The following SDCCAG8 variants were observed in gnomAD, a reference collection of about 807,000 sequenced individuals.
The protein encoded by SDCCAG8 is serologically defined colon cancer antigen 8.
In SDCCAG8, 74 loss-of-function variants were observed where a neutral mutation model predicts 101.8. The observed-to-expected ratio is 0.73, with a 90% CI of 0.60 to 0.88. The LOEUF is 0.88. Ranked by LOEUF, SDCCAG8 falls within the 40% of genes least tolerant of loss-of-function variation. SDCCAG8 has a pLI of 0.00. For missense variants in SDCCAG8, 787 were observed against 822.6 expected (o/e 0.96, Z 0.53); for synonymous variants, 281 against 292.9 (o/e 0.96, Z 0.41).
intron 4 of SDCCAG8, among the ~76,000 whole-genome samples, chr1:243,285,751 G>A (rs918798142): frequency 6.6e-6 from 1 of 152,060 alleles, no homozygotes; most frequent in African/African-American, 2.4e-5. Context: ...CACCCTGTGA[G>A]GCCAAGGAAA....
At chr1:243,289,962 G>T (rs1014649748) in intron 5 of SDCCAG8, among the ~76,000 whole-genome samples, 2 of 151,960 alleles carry the variant, frequency 1.3e-5, no homozygotes, top group Non-Finnish European at 2.9e-5. Context: ...AAAGAAGCAA[G>T]CCATTCAAAG....
chr1:243,498,063 G>A (rs1019101541), intron 17 of SDCCAG8, among the ~76,000 whole-genome samples: 2 of 152,196 alleles, frequency 1.3e-5, no homozygotes, highest in Non-Finnish European at 2.9e-5. Flanking sequence ...AAGTTAGGAA[G>A]CCACTGTGTC....
At chr1:243,278,374 C>A (rs1048131302) in intron 4 of SDCCAG8, among the ~76,000 whole-genome samples, 1 of 152,114 alleles carries the variant, frequency 6.6e-6, no homozygotes, top group South Asian at 2.1e-4. Context: ...GTGTGTGCCA[C>A]CACACCTGGC....
intron 16 of SDCCAG8, among the ~76,000 whole-genome samples, chr1:243,471,652 T>C (rs939324123): frequency 2.6e-5 from 4 of 152,120 alleles, no homozygotes; most frequent in African/African-American, 9.7e-5. Context: ...CCCATCAGAA[T>C]TCCCAGAAGC....
At chr1:243,268,279 A>G (rs1216744613) in intron 1 of SDCCAG8, among the ~76,000 whole-genome samples, 2 of 152,246 alleles carry the variant, frequency 1.3e-5, no homozygotes, top group Non-Finnish European at 2.9e-5. Flanking sequence ...CTAAAGCTCC[A>G]TGAACTGAAT....
chr1:243,391,241 T>C (rs1330203201), intron 13 of SDCCAG8, among the ~76,000 whole-genome samples: 2 of 152,236 alleles, frequency 1.3e-5, no homozygotes, highest in Non-Finnish European at 2.9e-5. Flanking sequence ...AATCTTGGAA[T>C]TAAAGCTCAT....
chr1:243,271,432 G>T (rs1408365727), intron 3 of SDCCAG8, among the ~76,000 whole-genome samples: 2 of 150,318 alleles, frequency 1.3e-5, no homozygotes, highest in Non-Finnish European at 3.0e-5. Context: ...CTTTTTTAGA[G>T]GGTCATATCT....
chr1:243,397,267 A>G (rs138503899), intron 13 of SDCCAG8, among the ~76,000 whole-genome samples: 35 of 152,384 alleles, frequency 2.3e-4, no homozygotes, highest in Non-Finnish European at 4.3e-4. Flanking sequence ...GCATAATGGT[A>G]GTAATTTGTG....
intron 16 of SDCCAG8, among the ~76,000 whole-genome samples, chr1:243,476,875 A>G (rs1476569162): frequency 6.6e-6 from 1 of 152,208 alleles, no homozygotes; most frequent in East Asian, 1.9e-4. Context: ...TCAATATGAA[A>G]TTGACTGTAG....
chr1:243,350,219 T>C (rs1394515434), intron 12 of SDCCAG8, among the ~76,000 whole-genome samples: 4 of 152,108 alleles, frequency 2.6e-5, no homozygotes, highest in Non-Finnish European at 5.9e-5. Flanking sequence ...TTCTTTCTTT[T>C]TTTTTTTGAG....
At chr1:243,263,172 C>G (rs1036267287) in intron 1 of SDCCAG8, among the ~76,000 whole-genome samples, 10 of 152,160 alleles carry the variant, frequency 6.6e-5, no homozygotes, top group African/African-American at 1.9e-4. Context: ...ACTGAAAACT[C>G]TTGTTTTATT....
intron 8 of SDCCAG8, among the ~76,000 whole-genome samples, chr1:243,312,564 G>T (rs992988754): frequency 1.3e-5 from 2 of 152,106 alleles, no homozygotes; most frequent in Non-Finnish European, 2.9e-5. Flanking sequence ...AAAATAGCTG[G>T]ATGTGTTGGT....
chr1:243,322,403 C>T (rs1008497645), intron 9 of SDCCAG8, among the ~76,000 whole-genome samples: 3 of 152,148 alleles, frequency 2.0e-5, no homozygotes, highest in Non-Finnish European at 2.9e-5. Context: ...CTACTATGTA[C>T]TCAACAAAAA....
At chr1:243,400,384 T>C (rs1041231209) in intron 13 of SDCCAG8, among the ~76,000 whole-genome samples, 2 of 152,224 alleles carry the variant, frequency 1.3e-5, no homozygotes, top group African/African-American at 4.8e-5. Context: ...ATGGGGATTA[T>C]TCGTTATTGT....
chr1:243,406,077 C>T lies in SDCCAG8; in HGVS notation c.1617-9625C>T, dbSNP rs559784786. Among the ~76,000 whole-genome samples the T allele has an allele frequency of 2.0e-5, 3 of 152,222 alleles. No homozygotes were observed. In the South Asian group the frequency reaches 6.2e-4, roughly 32 times the overall value. ...AGTTACTCATCAGAGGGATTAGTTA[C>T]TGGGAATTTGTAGATCAAGTGATAT... On this transcript the variant is annotated intron_variant, in intron 13 of 17. Coordinates refer to ENST00000366541, the MANE Select transcript of SDCCAG8 (RefSeq NM_006642.5).
At chr1:243,295,390 A>G (rs1425596095) in intron 6 of SDCCAG8, among the ~76,000 whole-genome samples, 2 of 152,024 alleles carry the variant, frequency 1.3e-5, no homozygotes, top group Non-Finnish European at 2.9e-5. Context: ...GGTGTGCGCC[A>G]CCATGCCCGG....
At chr1:243,465,637 A>G (rs943325806) in intron 16 of SDCCAG8, among the ~76,000 whole-genome samples, 1 of 152,184 alleles carries the variant, frequency 6.6e-6, no homozygotes, top group Non-Finnish European at 1.5e-5. Flanking sequence ...TTTTCAGATA[A>G]TTTAGGTGTC....
intron 13 of SDCCAG8, among the ~76,000 whole-genome samples, chr1:243,398,103 A>C (rs1243169682): frequency 2.6e-5 from 4 of 152,214 alleles, no homozygotes; most frequent in Non-Finnish European, 5.9e-5. Context: ...AGATCTCGTA[A>C]ATAATCCACA....
At chr1:243,495,389 G>A (rs1667555839) in intron 17 of SDCCAG8, among the ~76,000 whole-genome samples, 1 of 152,238 alleles carries the variant, frequency 6.6e-6, no homozygotes, top group Non-Finnish European at 1.5e-5. Flanking sequence ...GAGCCCAGAA[G>A]CAGCAAAGCC....
Sources: allele counts gnomAD v4.1 joint callset (sites outside exome capture counted in the v4.1 genomes callset), GRCh38; gene constraint gnomAD v4.1.1; transcripts MANE v1.5; gene names NCBI Gene and HGNC (gene_info 2026-07-23, HGNC 2026-07-21).